The following FAM135A variants were observed in gnomAD, a reference collection of about 807,000 sequenced individuals.
FAM135A encodes the protein protein FAM135A.
In FAM135A, 79 loss-of-function variants were observed where a neutral mutation model predicts 146.8. That is an observed-to-expected ratio of 0.54 (90% CI 0.45 to 0.65). The LOEUF (loss-of-function observed/expected upper bound fraction) is 0.65. Among genes scored for constraint, FAM135A ranks in the 30% least tolerant of loss-of-function variants. FAM135A has a pLI of 0.00. For missense variants in FAM135A, 1,623 were observed against 1,758.2 expected, an observed-to-expected ratio of 0.92 and a Z score of 1.38; for synonymous variants, 562 against 603.6, an observed-to-expected ratio of 0.93 and a Z score of 1.01.
rs1234963807 is a variant in FAM135A at position 70,522,612 on chromosome 6, AATG to A, written c.1103+29_1103+31del. On this transcript the variant is annotated intron_variant, in intron 13 of 21. Coordinates refer to ENST00000418814, the MANE Select transcript of FAM135A (RefSeq NM_001162529.3). The stretch of plus-strand genomic sequence containing the variant: ...GTGAGTAGTATAAATTCAAAATTAA[AATG>A]ATATTACTTCCTTTTACATAAGATA... 6 of 1,572,606 alleles carry A rather than the reference AATG, an allele frequency of 3.8e-6. No individual in the cohort carries two copies. The African/African-American group carries it at 6.8e-5, about 18-fold the overall frequency.
intron 10 of FAM135A, among the ~76,000 whole-genome samples, chr6:70,490,056 A>G (rs1314125780): frequency 6.6e-6 from 1 of 152,114 alleles, no homozygotes; most frequent in Admixed American, 6.5e-5. Context: ...CATAATTGTG[A>G]TTGCTTTTTT....
rs747528873 is a variant in FAM135A, at chr6:70,492,459, T to A, written c.873+1376T>A. 4.9e-4 allele frequency among the ~76,000 whole-genome samples: 74 copies of A among 151,892 alleles called. 1 individual carries two copies. Among genetic ancestry groups the A allele is most frequent in the Non-Finnish European group, 9.0e-4 (61 of 67,776 alleles). The stretch of plus-strand genomic sequence containing the variant: ...CAGACAATTTTTAAAAAGATAAGTT[T>A]TTTAAAGACCAATAAAAACCTAAGG... On this transcript the variant is annotated intron_variant, in intron 11 of 21. Transcript: ENST00000418814.
chr6:70,499,284 A>G (rs1787984332), intron 11 of FAM135A, among the ~76,000 whole-genome samples: 1 of 152,152 alleles, frequency 6.6e-6, no homozygotes, highest in Admixed American at 6.5e-5. Context: ...TTATCAGACT[A>G]GGATTTCATC....
At position 70,556,671 on chromosome 6, in the gene FAM135A, G is replaced by C; in HGVS notation, c.4229-79G>C. The C allele has an allele frequency of 3.6e-6, 3 of 841,104 alleles. No individual in the cohort carries two copies. The South Asian group carries it at 7.6e-5, about 21-fold the overall frequency. The allele number at this position is 841,104 out of a possible 1,614,324, so 52.1% of individuals were successfully genotyped here. On this transcript the variant is annotated intron_variant, in intron 20 of 21. Transcript: ENST00000418814. ...GTACTGCTAAGGAAATTTATTTTTTGGTCACTTAATATGATACTAATAACT... is the reference window on the plus strand; with the variant it reads ...GTACTGCTAAGGAAATTTATTTTTTCGTCACTTAATATGATACTAATAACT...
At chr6:70,438,390 A>G (rs759493279) in intron 4 of FAM135A, among the ~76,000 whole-genome samples, 4 of 152,244 alleles carry the variant, frequency 2.6e-5, no homozygotes, top group African/African-American at 9.6e-5. Flanking sequence ...TTCTAGAAAT[A>G]AACAATTCAT....
intron 12 of FAM135A, chr6:70,503,329 TTAAA>T: frequency 6.6e-6 from 1 of 152,214 alleles, no homozygotes; most frequent in Non-Finnish European, 1.5e-5. Context: ...GTTTTACGTG[TTAAA>T]TAACTATCTT....
intron 4 of FAM135A, among the ~76,000 whole-genome samples, chr6:70,449,684 C>G (rs985451645): frequency 6.6e-5 from 10 of 151,976 alleles, no homozygotes; most frequent in African/African-American, 2.2e-4. Context: ...AAGGTTGCTT[C>G]CATTATCTTA....
chr6:70,499,152 G>C (rs967622260), intron 11 of FAM135A, among the ~76,000 whole-genome samples: 12 of 152,060 alleles, frequency 7.9e-5, no homozygotes, highest in African/African-American at 2.9e-4. Flanking sequence ...TATGAATCTG[G>C]GTTCTCCTGT....
chr6:70,478,323 G>A (rs568795299), intron 8 of FAM135A, among the ~76,000 whole-genome samples: 10 of 152,166 alleles, frequency 6.6e-5, no homozygotes, highest in African/African-American at 2.4e-4. Context: ...TTGTAGTATG[G>A]GCAGCAGATG....
chr6:70,419,838 C>A (rs143609039), intron 2 of FAM135A, among the ~76,000 whole-genome samples: 1 of 152,240 alleles, frequency 6.6e-6, no homozygotes, highest in Non-Finnish European at 1.5e-5. Flanking sequence ...CCTGAATCCA[C>A]GTTTACTACA....
intron 4 of FAM135A, among the ~76,000 whole-genome samples, chr6:70,429,538 T>G (rs955143952): frequency 6.7e-6 from 1 of 150,006 alleles, no homozygotes; most frequent in Admixed American, 6.6e-5. Flanking sequence ...AAATAAAAAT[T>G]AAAAAAAAAG....
intron 7 of FAM135A, 91 bp downstream of exon 7, chr6:70,475,824 T>G (rs1011884332): frequency 4.4e-5 from 44 of 993,888 alleles, no homozygotes; most frequent in Non-Finnish European, 6.1e-5. Flanking sequence ...AAATTCATCC[T>G]ATCCCTATCT....
At chr6:70,469,761 T>A (rs563300380) in intron 5 of FAM135A, among the ~76,000 whole-genome samples, 3 of 151,972 alleles carry the variant, frequency 2.0e-5, no homozygotes, top group Admixed American at 2.0e-4. Context: ...GGGTGGCCCA[T>A]GAGGTAGGAG....
intron 4 of FAM135A, 107 bp from the exon 5 acceptor site, chr6:70,452,385 T>C (rs1193968738): frequency 5.1e-6 from 4 of 783,028 alleles, no homozygotes; most frequent in Admixed American, 3.2e-5. Context: ...GAGACTGATA[T>C]AATTAGGCCA....
At chr6:70,554,755 G>A (rs975196164) in intron 20 of FAM135A, among the ~76,000 whole-genome samples, 1 of 152,140 alleles carries the variant, frequency 6.6e-6, no homozygotes, top group Admixed American at 6.5e-5. Flanking sequence ...AGCCTCCTGA[G>A]TAGTTAGGAT....
intron 4 of FAM135A, among the ~76,000 whole-genome samples, chr6:70,431,716 TAAC>T (rs1044685434): frequency 1.3e-5 from 2 of 152,222 alleles, no homozygotes; most frequent in Non-Finnish European, 2.9e-5. Flanking sequence ...GGTTTGTTTT[TAAC>T]AACATGATTT....
At chr6:70,429,188 G>T (rs1007114021) in intron 4 of FAM135A, among the ~76,000 whole-genome samples, 1 of 152,132 alleles carries the variant, frequency 6.6e-6, no homozygotes, top group East Asian at 1.9e-4. Context: ...TGAATCAAGT[G>T]TTGGAAATAG....
intron 20 of FAM135A, among the ~76,000 whole-genome samples, chr6:70,551,445 C>CA (rs1276625472): frequency 2.6e-5 from 4 of 151,988 alleles, no homozygotes; most frequent in African/African-American, 7.3e-5. Flanking sequence ...CCTATTTCTA[C>CA]AAAAAATAAC....
Position 70,525,828 on chromosome 6 carries a change from CA to C in FAM135A, c.2746del (p.Ser916AlafsTer19). ...ACTGTAGCAATACATTCCTTAAATT[CA>C]AGCATTAAAGACCCTTTACAATTTG... ...NETVAIHSLN[S>X]SIKDPLQFVF... On this transcript the variant is annotated frameshift_variant, in exon 15 of 22. Coordinates refer to ENST00000418814, the MANE Select transcript of FAM135A (RefSeq NM_001162529.3). LOFTEE classifies it high-confidence loss of function. 6.2e-7 allele frequency: 1 copy of C among 1,612,418 alleles called. No individual in the cohort carries two copies. The highest frequency in any genetic ancestry group is 8.5e-7 in the Non-Finnish European group (1 of 1,179,366).
Sources: allele counts gnomAD v4.1 joint callset (sites outside exome capture counted in the v4.1 genomes callset), GRCh38; gene constraint gnomAD v4.1.1; transcripts MANE v1.5; gene names NCBI Gene and HGNC (gene_info 2026-07-23, HGNC 2026-07-21).